RSPO2: variants seen among roughly 807,000 people sequenced by gnomAD.
The protein encoded by RSPO2 is R-spondin 2, also known as R-spondin-2.
In RSPO2, 14 loss-of-function variants were observed where a neutral mutation model predicts 30.9. The observed-to-expected ratio is 0.45, with a 90% CI of 0.30 to 0.71. RSPO2 has a LOEUF of 0.71. RSPO2 is among the 30% of genes least tolerant of loss of function. RSPO2 has a pLI of 0.08. For missense variants in RSPO2, 264 were observed against 301.9 expected, an observed-to-expected ratio of 0.87 and a Z score of 0.93; for synonymous variants, 107 against 96.4, an observed-to-expected ratio of 1.11 and a Z score of -0.64.
intron 3 of RSPO2, among the ~76,000 whole-genome samples, chr8:107,965,639 G>GT (rs1360104842): frequency 0.031 from 4,496 of 146,816 alleles, 239 homozygotes; most frequent in African/African-American, 0.1. Context: ...TGCCATTCAA[G>GT]TTTTTTTTTT....
At chr8:108,016,803 CT>C (rs1449054472) in intron 2 of RSPO2, among the ~76,000 whole-genome samples, 1 of 152,032 alleles carries the variant, frequency 6.6e-6, no homozygotes, top group Non-Finnish European at 1.5e-5. Context: ...TGTGGCACCT[CT>C]TCCCAACTCT....
At chr8:108,034,001 A>G (rs1355828249) in intron 2 of RSPO2, among the ~76,000 whole-genome samples, 2 of 152,236 alleles carry the variant, frequency 1.3e-5, no homozygotes, top group African/African-American at 4.8e-5. Context: ...AAATCATGGC[A>G]TCTGTGCTGA....
At chr8:107,971,430 T>C (rs1191345090) in intron 3 of RSPO2, among the ~76,000 whole-genome samples, 3 of 152,236 alleles carry the variant, frequency 2.0e-5, no homozygotes, top group Admixed American at 2.0e-4. Flanking sequence ...ATAATCTATC[T>C]TCCAGGACAA....
chr8:107,983,035 G>C (rs1814504764), intron 3 of RSPO2: 1 of 1,007,928 alleles, frequency 9.9e-7, no homozygotes, highest in African/African-American at 1.6e-5. Flanking sequence ...CTCTGCGGCT[G>C]TGTCACGCTC....
At chr8:107,963,708 T>A (rs1485051231) in intron 3 of RSPO2, among the ~76,000 whole-genome samples, 1 of 152,042 alleles carries the variant, frequency 6.6e-6, no homozygotes, top group Non-Finnish European at 1.5e-5. Context: ...TAATTACATT[T>A]ATGTAATTAA....
At position 107,960,451 on chromosome 8, in the gene RSPO2, A is replaced by G. The variant is rs376774539; in HGVS notation, c.427+223T>C. On this transcript the variant is annotated intron_variant, in intron 4 of 5. Coordinates refer to ENST00000276659, the MANE Select transcript of RSPO2 (RefSeq NM_178565.5). ...TAAAAAAAAACCTTGTTAGCACTTA[A>G]GTAGATTAACCTAGCAAATGCACAA... is the stretch of plus-strand genomic sequence containing the variant. 3.9e-5 allele frequency among the ~76,000 whole-genome samples: 6 copies of G among 152,306 alleles called. No individual in the cohort carries two copies. In the East Asian group the frequency reaches 1.2e-3, roughly 29 times the overall value.
At chr8:107,940,061 C>T (rs1271514612) in intron 5 of RSPO2, among the ~76,000 whole-genome samples, 1 of 152,030 alleles carries the variant, frequency 6.6e-6, no homozygotes, top group Non-Finnish European at 1.5e-5. Flanking sequence ...TGCTATTATA[C>T]TATCATCATC....
chr8:107,927,080 G>A (rs1812401614), intron 5 of RSPO2, among the ~76,000 whole-genome samples: 2 of 151,796 alleles, frequency 1.3e-5, no homozygotes, highest in Admixed American at 6.6e-5. Flanking sequence ...ATTGAGCAGT[G>A]GTTTATAGTT....
At chr8:107,923,612 T>C (rs1241847766) in intron 5 of RSPO2, among the ~76,000 whole-genome samples, 1 of 152,120 alleles carries the variant, frequency 6.6e-6, no homozygotes, top group Admixed American at 6.6e-5. Flanking sequence ...TAAAGACACA[T>C]GCACTCATAT....
intron 3 of RSPO2, among the ~76,000 whole-genome samples, chr8:107,964,054 T>C (rs1276330173): frequency 6.6e-6 from 1 of 152,226 alleles, no homozygotes; most frequent in East Asian, 1.9e-4. Context: ...AAGCATTGTT[T>C]TAAAAGCTTT....
intron 2 of RSPO2, among the ~76,000 whole-genome samples, chr8:108,014,857 AAG>A (rs1810830580): frequency 6.6e-6 from 1 of 151,834 alleles, no homozygotes; most frequent in Non-Finnish European, 1.5e-5. Context: ...AAAAAAAAAA[AAG>A]AAAAAAAATT....
chr8:107,919,560 T>C (rs1351231435), intron 5 of RSPO2, among the ~76,000 whole-genome samples: 1 of 152,166 alleles, frequency 6.6e-6, no homozygotes, highest in Non-Finnish European at 1.5e-5. Context: ...CTAAGATCAA[T>C]GCTTGAGATA....
At chr8:108,003,910 A>G (rs1049271037) in intron 2 of RSPO2, among the ~76,000 whole-genome samples, 2 of 152,202 alleles carry the variant, frequency 1.3e-5, no homozygotes, top group Non-Finnish European at 2.9e-5. Flanking sequence ...ATATATGTAC[A>G]GCACCTAGGG....
At chr8:107,913,662 A>G (rs1811890521) in intron 5 of RSPO2, among the ~76,000 whole-genome samples, 2 of 152,134 alleles carry the variant, frequency 1.3e-5, no homozygotes, top group South Asian at 4.1e-4. Flanking sequence ...GATTATCTTG[A>G]TACTAAATAT....
At chr8:108,054,051 T>C in intron 2 of RSPO2, among the ~76,000 whole-genome samples, 1 of 152,190 alleles carries the variant, frequency 6.6e-6, no homozygotes, top group East Asian at 1.9e-4. Flanking sequence ...ATTTATATGA[T>C]GCATTTGTTG....
intron 2 of RSPO2, among the ~76,000 whole-genome samples, chr8:108,025,045 C>T (rs1278603286): frequency 6.6e-6 from 1 of 151,962 alleles, no homozygotes; most frequent in African/African-American, 2.4e-5. Flanking sequence ...GAAGAAGCAA[C>T]TCAAAAATGG....
intron 2 of RSPO2, among the ~76,000 whole-genome samples, chr8:108,055,661 A>G (rs1206499989): frequency 6.6e-6 from 1 of 152,208 alleles, no homozygotes; most frequent in Non-Finnish European, 1.5e-5. Context: ...AACTAAGTAG[A>G]TATTAATGTT....
chr8:107,927,609 G>A (rs549741994), intron 5 of RSPO2, among the ~76,000 whole-genome samples: 1 of 152,070 alleles, frequency 6.6e-6, no homozygotes, highest in African/African-American at 2.4e-5. Flanking sequence ...AGCATGAAGG[G>A]CTACTGAATT....
At chr8:107,924,786 A>C (rs1408787555) in intron 5 of RSPO2, among the ~76,000 whole-genome samples, 1 of 151,146 alleles carries the variant, frequency 6.6e-6, no homozygotes, top group African/African-American at 2.4e-5. Context: ...CAAAAAGGAA[A>C]GCAAATAAAT....
Sources: allele counts gnomAD v4.1 joint callset (sites outside exome capture counted in the v4.1 genomes callset), GRCh38; gene constraint gnomAD v4.1.1; transcripts MANE v1.5; gene names NCBI Gene and HGNC (gene_info 2026-07-23, HGNC 2026-07-21).